The following UBE2Q2 variants were observed in gnomAD, a reference collection of about 807,000 sequenced individuals.
The protein encoded by UBE2Q2 is ubiquitin conjugating enzyme E2 Q2.
UBE2Q2 carries 54 observed loss-of-function variants against 59.9 expected under a neutral mutation model. The ratio of observed to expected loss-of-function variants is 0.90; its 90% CI spans 0.72 to 1.13. The LOEUF is 1.13. Ranked by LOEUF, UBE2Q2 falls within the 50% of genes most tolerant of loss-of-function variation. UBE2Q2 has a pLI of 0.00. For synonymous variants in UBE2Q2, 165 were observed against 155.2 expected (o/e 1.06, Z -0.47); for missense variants, 433 against 441.9 (o/e 0.98, Z 0.18).
At chr15:75,884,640 G>A (rs920849542) in intron 9 of UBE2Q2, among the ~76,000 whole-genome samples, 3 of 152,052 alleles carry the variant, frequency 2.0e-5, no homozygotes, top group African/African-American at 7.2e-5. Context: ...CTGCCACATG[G>A]TAAAGCAATA....
At chr15:75,857,048 C>G (rs1416927916) in intron 2 of UBE2Q2, among the ~76,000 whole-genome samples, 1 of 152,106 alleles carries the variant, frequency 6.6e-6, no homozygotes, top group African/African-American at 2.4e-5. Context: ...ATTGCTTGAG[C>G]CCAGGAGTTT....
At chr15:75,889,938 T>C (rs1898999569) in intron 9 of UBE2Q2, among the ~76,000 whole-genome samples, 1 of 152,168 alleles carries the variant, frequency 6.6e-6, no homozygotes, top group East Asian at 1.9e-4. Context: ...AGAAGCTCCA[T>C]GGTCAGAACC....
In UBE2Q2 at chr15:75,843,614, C is replaced by A; in HGVS notation, c.-53C>A. ...TGACGGCGGCTCCGGGCCCGGCTCC[C>A]CTTCCGCGCCCGGCTCCCCTTCCGC... On this transcript the variant is annotated 5_prime_UTR_variant, in exon 1 of 13. Coordinates refer to ENST00000267938, the MANE Select transcript of UBE2Q2 (RefSeq NM_173469.4). 1 of 1,506,824 alleles carries A rather than the reference C, an allele frequency of 6.6e-7. No homozygotes were observed. The highest frequency in any genetic ancestry group is 8.9e-7 in the Non-Finnish European group (1 of 1,125,892). The allele number at this position is 1,506,824 out of a possible 1,614,324, so 93.3% of individuals were successfully genotyped here.
rs1451581537 is a variant in UBE2Q2, at chr15:75,879,205, A to G, written c.825+17A>G. Reference sequence around the variant, plus strand: ...TCTTTTAAGGTAAGAAAATAGTTACAGGACCCCATATACTTCCAGTGGGGT... The same window carrying G: ...TCTTTTAAGGTAAGAAAATAGTTACGGGACCCCATATACTTCCAGTGGGGT... On this transcript the variant is annotated intron_variant, in intron 8 of 12. Coordinates refer to ENST00000267938, the MANE Select transcript of UBE2Q2 (RefSeq NM_173469.4). 3.4e-6 allele frequency: 5 copies of G among 1,481,306 alleles called. No individual in the cohort carries two copies. The Admixed American group carries it at 7.9e-5, about 23-fold the overall frequency. The allele number at this position is 1,481,306 out of a possible 1,614,324, so 91.8% of individuals were successfully genotyped here. A position where few individuals can be genotyped will look rare whatever the true frequency, so the allele number is the denominator to read the frequency against.
intron 1 of UBE2Q2, 72 bp from the exon 2 acceptor site, chr15:75,854,314 G>C (rs1896791180): frequency 8.6e-7 from 1 of 1,156,556 alleles, no homozygotes; most frequent in Non-Finnish European, 1.2e-6. Flanking sequence ...TTGCCGTTTA[G>C]TGGTGTGGTT....
chr15:75,887,797 GT>G (rs1298842592), intron 9 of UBE2Q2, among the ~76,000 whole-genome samples: 1 of 152,188 alleles, frequency 6.6e-6, no homozygotes, highest in African/African-American at 2.4e-5. Flanking sequence ...ACCTACATTG[GT>G]TTGGTAGTCA....
At chr15:75,858,178 T>G (rs1897016879) in intron 2 of UBE2Q2, among the ~76,000 whole-genome samples, 1 of 152,208 alleles carries the variant, frequency 6.6e-6, no homozygotes, top group Non-Finnish European at 1.5e-5. Context: ...TCCCATTACT[T>G]TAGTCATGAT....
chr15:75,872,919 G>A (rs1897875997), intron 4 of UBE2Q2, among the ~76,000 whole-genome samples: 1 of 152,024 alleles, frequency 6.6e-6, no homozygotes, highest in Non-Finnish European at 1.5e-5. Flanking sequence ...GAGAAATTAG[G>A]CTATGTTAGT....
chr15:75,865,654 G>T (rs1031721358), intron 3 of UBE2Q2, among the ~76,000 whole-genome samples: 9 of 152,188 alleles, frequency 5.9e-5, no homozygotes, highest in Non-Finnish European at 1.3e-4. Flanking sequence ...TATGGTCAGA[G>T]AATATGGCCT....
intron 8 of UBE2Q2, among the ~76,000 whole-genome samples, chr15:75,883,160 A>G (rs1898537268): frequency 1.3e-5 from 2 of 152,122 alleles, no homozygotes; most frequent in Admixed American, 1.3e-4. Flanking sequence ...TCAGTTTACC[A>G]TAATGCTGTT....
chr15:75,880,085 G>T (rs981015172), intron 8 of UBE2Q2, among the ~76,000 whole-genome samples: 8 of 151,996 alleles, frequency 5.3e-5, no homozygotes, highest in Non-Finnish European at 7.4e-5. Context: ...CTGAATTTAT[G>T]TGTTATATTT....
At chr15:75,874,193 T>C (rs1389908822) in intron 5 of UBE2Q2, among the ~76,000 whole-genome samples, 1 of 152,012 alleles carries the variant, frequency 6.6e-6, no homozygotes, top group Non-Finnish European at 1.5e-5. Context: ...TCCGACAAAA[T>C]ACAATTCAAG....
Position 75,843,982 on chromosome 15 carries a change from G to A in UBE2Q2, c.180+136G>A, listed in dbSNP as rs1896170191. ...GGGCAGGCCCGCCCCTTTCCCCCGC[G>A]ACTTGCCCATCCCAGGCCGGGCTGG... On this transcript the variant is annotated intron_variant, in intron 1 of 12. Coordinates refer to ENST00000267938, the MANE Select transcript of UBE2Q2 (RefSeq NM_173469.4). The A allele has an allele frequency of 1.1e-5, 15 of 1,403,806 alleles. 1 individual carries two copies. In the South Asian group the frequency reaches 2.3e-4, roughly 22 times the overall value. 87.0% of individuals were successfully genotyped at this position (1,403,806 alleles called of 1,614,324 possible).
chr15:75,870,930 CACAGAG>C (rs910059289), intron 4 of UBE2Q2, among the ~76,000 whole-genome samples: 4 of 152,102 alleles, frequency 2.6e-5, no homozygotes, highest in African/African-American at 9.7e-5. Context: ...AAGAAAAAGA[CACAGAG>C]ACAAAGTATA....
intron 3 of UBE2Q2, among the ~76,000 whole-genome samples, chr15:75,862,436 C>T (rs559506876): frequency 6.8e-6 from 1 of 147,928 alleles, no homozygotes; most frequent in African/African-American, 2.5e-5. Flanking sequence ...TTTTTTTAAA[C>T]CTTTCCTCAG....
intron 8 of UBE2Q2, among the ~76,000 whole-genome samples, chr15:75,882,255 A>G (rs1469870915): frequency 6.6e-6 from 1 of 152,170 alleles, no homozygotes; most frequent in Non-Finnish European, 1.5e-5. Context: ...GAGATCCTTT[A>G]TAGAGTCTGA....
chr15:75,844,097 G>T, intron 1 of UBE2Q2: 1 of 1,414,414 alleles, frequency 7.1e-7, no homozygotes, highest in East Asian at 2.6e-5. Flanking sequence ...GGCCCATCTC[G>T]GTCCCCGTCT....
chr15:75,854,585 G>T, intron 2 of UBE2Q2, 98 bp downstream of exon 2: 2 of 712,010 alleles, frequency 2.8e-6, no homozygotes, highest in East Asian at 3.1e-5. Flanking sequence ...CATGATTAAT[G>T]ATTATAATCT....
At position 75,843,717 on chromosome 15, in the gene UBE2Q2, C is replaced by G. The variant is rs761723787; in HGVS notation, c.51C>G (p.Phe17Leu). The G allele has an allele frequency of 1.2e-6, 2 of 1,611,472 alleles. No individual in the cohort carries two copies. Among genetic ancestry groups the G allele is most frequent in the Middle Eastern group, 1.7e-4 (1 of 6,044 alleles). ...AGCTGAAGTTCCTGGCGTCCATCTT[C>G]GACAAGAACCACGAGCGATTCCGCA... ...KAELKFLASI[F>L]DKNHERFRIV... Residue 17 changes from phenylalanine to leucine, a missense_variant, in exon 1 of 13, where the codon TTC (phenylalanine) becomes TTG (leucine). By Grantham distance (22) the Phe-to-Leu change is conservative (BLOSUM62 0). Coordinates refer to ENST00000267938, the MANE Select transcript of UBE2Q2 (RefSeq NM_173469.4).
Sources: allele counts gnomAD v4.1 joint callset (sites outside exome capture counted in the v4.1 genomes callset), GRCh38; gene constraint gnomAD v4.1.1; transcripts MANE v1.5; gene names NCBI Gene and HGNC (gene_info 2026-07-23, HGNC 2026-07-21).